Variants in PDE4D observed in about 807,000 individuals in gnomAD.
The protein encoded by PDE4D is phosphodiesterase 4D.
PDE4D carries 24 observed loss-of-function variants against 87.4 expected under a neutral mutation model. The ratio of observed to expected loss-of-function variants is 0.27; its 90% confidence interval spans 0.20 to 0.39. PDE4D has a LOEUF of 0.39. Ranked by LOEUF, PDE4D falls within the 10% of genes least tolerant of loss-of-function variation. The pLI, the probability that PDE4D is intolerant of heterozygous loss-of-function variation, is 1.00. For missense variants in PDE4D, 714 were observed against 1,041.0 expected (o/e 0.69, Z 4.32); for synonymous variants, 384 against 383.2 (o/e 1.00, Z -0.02).
At chr5:59,993,948 A>G (rs1039571371) in intron 2 of PDE4D, among the ~76,000 whole-genome samples, 3 of 152,102 alleles carry the variant, frequency 2.0e-5, no homozygotes, top group African/African-American at 7.2e-5. Flanking sequence ...CTTTAATGTT[A>G]TGCTTTTTAC....
In PDE4D at chr5:59,847,549, C is replaced by T. The variant is rs1402545662; in HGVS notation, c.455+45619G>A. Among the ~76,000 whole-genome samples, 8 of 152,166 alleles carry T rather than the reference C, an allele frequency of 5.3e-5. No individual in the cohort carries two copies. In the East Asian group the frequency reaches 9.7e-4, roughly 18 times the overall value. Reference sequence around the variant, plus strand: ...TCTTTTTTACCAGTCAAATTCTTCACGAGTCATGGTACCTTTTAGAAATAT... The same window carrying T: ...TCTTTTTTACCAGTCAAATTCTTCATGAGTCATGGTACCTTTTAGAAATAT... On this transcript the variant is annotated intron_variant, in intron 1 of 14. Coordinates refer to ENST00000340635, the MANE Select transcript of PDE4D (RefSeq NM_001104631.2).
chr5:60,002,059 A>T (rs1764074222), intron 2 of PDE4D, among the ~76,000 whole-genome samples: 1 of 151,978 alleles, frequency 6.6e-6, no homozygotes, highest in Admixed American at 6.6e-5. Context: ...ATAAATAATA[A>T]TCTTGGATAT....
chr5:60,417,153 A>G (rs1742674914), intron 1 of PDE4D, among the ~76,000 whole-genome samples: 2 of 152,246 alleles, frequency 1.3e-5, no homozygotes, highest in African/African-American at 4.8e-5. Flanking sequence ...GCAATTGAAA[A>G]GACCACATAA....
chr5:59,519,947 T>G (rs75292971), intron 1 of PDE4D, among the ~76,000 whole-genome samples: 1 of 152,192 alleles, frequency 6.6e-6, no homozygotes, highest in Non-Finnish European at 1.5e-5. Context: ...TCAGCACTTA[T>G]GTATTTATGG....
chr5:59,979,422 G>T (rs1279477981), intron 3 of PDE4D, among the ~76,000 whole-genome samples: 4 of 25,028 alleles, frequency 1.6e-4, no homozygotes, highest in Admixed American at 1.5e-3. Context: ...ACAGCAAGGG[G>T]TGTGTGTGTG....
intron 1 of PDE4D, among the ~76,000 whole-genome samples, chr5:60,512,229 T>C (rs543151422): frequency 2.2e-4 from 33 of 152,300 alleles, no homozygotes; most frequent in Admixed American, 2.1e-3. Flanking sequence ...TATATGCATA[T>C]ATGCTTTTTG....
intron 1 of PDE4D, among the ~76,000 whole-genome samples, chr5:60,193,494 C>T (rs1351791384): frequency 6.6e-6 from 1 of 151,400 alleles, no homozygotes; most frequent in Non-Finnish European, 1.5e-5. Context: ...CAAGATGAAA[C>T]CCCGTCTCTA....
intron 1 of PDE4D, among the ~76,000 whole-genome samples, chr5:59,339,289 T>C (rs1778289920): frequency 1.3e-5 from 2 of 152,226 alleles, no homozygotes; most frequent in Non-Finnish European, 2.9e-5. Context: ...CATATTTTCC[T>C]GAAATATTTT....
intron 2 of PDE4D, among the ~76,000 whole-genome samples, chr5:60,028,927 T>C (rs963618258): frequency 6.6e-6 from 1 of 152,190 alleles, no homozygotes. Flanking sequence ...ACCCTTTCCC[T>C]CCTCTTAAAC....
At chr5:60,392,144 A>T (rs1762599229) in intron 1 of PDE4D, among the ~76,000 whole-genome samples, 1 of 152,224 alleles carries the variant, frequency 6.6e-6, no homozygotes, top group Non-Finnish European at 1.5e-5. Context: ...CAGTGTAAGG[A>T]ATCATTGTGA....
Position 58,975,137 on chromosome 5 carries a change from A to G in PDE4D, c.2014-57T>C. 9.3e-7 allele frequency: 1 copy of G among 1,075,372 alleles called. No individual in the cohort carries two copies. Among genetic ancestry groups the G allele is most frequent in the Non-Finnish European group, 1.3e-6 (1 of 786,008 alleles). 66.6% of individuals were successfully genotyped at this position (1,075,372 alleles called of 1,614,324 possible). ...GGACTTGGGACTAAGAAACAATGGA[A>G]AAGCTTAATTAGATCATGGCCCACA... On this transcript the variant is annotated intron_variant, in intron 14 of 14. Coordinates refer to ENST00000340635, the MANE Select transcript of PDE4D (RefSeq NM_001104631.2). This position sits in a 1 kb window ranked among gnomAD's most constrained non-coding sequence, Gnocchi z 4.2.
rs192777785 is a variant in PDE4D, at chr5:59,829,663, A to G, written c.455+63505T>C. Among the ~76,000 whole-genome samples the G allele has an allele frequency of 1.2e-4, 19 of 152,224 alleles. No individual in the cohort carries two copies. In the East Asian group the frequency reaches 3.5e-3, roughly 28 times the overall value. Reference sequence around the variant, plus strand: ...AAATTCATTAGTAAGACCTACAAACATTTTGTCAGTGCCTATGTTAAGGCA... The same window carrying G: ...AAATTCATTAGTAAGACCTACAAACGTTTTGTCAGTGCCTATGTTAAGGCA... On this transcript the variant is annotated intron_variant, in intron 1 of 14. Coordinates refer to ENST00000340635, the MANE Select transcript of PDE4D (RefSeq NM_001104631.2).
At chr5:59,371,850 C>A (rs1046054199) in intron 1 of PDE4D, among the ~76,000 whole-genome samples, 2 of 152,124 alleles carry the variant, frequency 1.3e-5, no homozygotes, top group Non-Finnish European at 2.9e-5. Flanking sequence ...TTACCCAGGG[C>A]AAAATGCAAA....
intron 3 of PDE4D, among the ~76,000 whole-genome samples, chr5:59,969,383 G>A (rs574749959): frequency 1.3e-5 from 2 of 152,248 alleles, no homozygotes; most frequent in East Asian, 3.9e-4. Context: ...TTATAATTGA[G>A]GTAAAAAGCT....
chr5:59,686,194 A>C (rs80088921), intron 1 of PDE4D, among the ~76,000 whole-genome samples: 60 of 152,314 alleles, frequency 3.9e-4, no homozygotes, highest in Non-Finnish European at 7.3e-4. Flanking sequence ...CTAAGCAAGA[A>C]CTATGATTTA....
At chr5:60,063,149 A>G (rs62370569) in intron 2 of PDE4D, among the ~76,000 whole-genome samples, 5,484 of 125,672 alleles carry the variant, frequency 0.044, 150 homozygotes, top group East Asian at 0.15. Context: ...AAAGAAAGAA[A>G]GAAAGAAGGA....
intron 1 of PDE4D, among the ~76,000 whole-genome samples, chr5:60,393,551 G>T (rs1762695952): frequency 6.6e-6 from 1 of 152,136 alleles, no homozygotes; most frequent in Admixed American, 6.5e-5. Flanking sequence ...AGATATGTTT[G>T]TATTGCATTT....
intron 1 of PDE4D, among the ~76,000 whole-genome samples, chr5:59,685,131 G>A (rs1278630046): frequency 6.6e-6 from 1 of 152,164 alleles, no homozygotes; most frequent in Non-Finnish European, 1.5e-5. Context: ...AGAACAACAT[G>A]CCAATTCAAT....
chr5:59,768,213 GCCA>G (rs763750786), intron 1 of PDE4D: 9 of 1,592,536 alleles, frequency 5.7e-6, no homozygotes, highest in Non-Finnish European at 7.7e-6. Context: ...AAGGGAAACG[GCCA>G]CCATTTCTGC....
Sources: gnomAD v4.1 joint callset for allele counts (sites outside exome capture counted in the v4.1 genomes callset) on GRCh38, gnomAD v4.1.1 for gene constraint, Gnocchi (gnomAD v3.1) non-coding constraint, MANE v1.5 for transcripts, NCBI Gene and HGNC (gene_info 2026-07-23, HGNC 2026-07-21) for gene names.